NOXRED1: variants seen among roughly 807,000 people sequenced by gnomAD.
NOXRED1 encodes NADP dependent oxidoreductase domain containing 1, also known as NADP-dependent oxidoreductase domain-containing protein 1.
Under a neutral mutation model 30.4 loss-of-function variants are expected in NOXRED1, and 20 were observed. The ratio of observed to expected loss-of-function variants is 0.66; its 90% CI spans 0.46 to 0.96. NOXRED1 has a LOEUF of 0.96. NOXRED1 is among the 40% of genes least tolerant of loss of function. The pLI, the probability that NOXRED1 is intolerant of heterozygous loss-of-function variation, is 0.00. For missense variants in NOXRED1, 374 were observed against 428.0 expected (o/e 0.87, Z 1.11); for synonymous variants, 155 against 168.0 (o/e 0.92, Z 0.60).
At chr14:77,419,479 C>T (rs1378475924) in intron 1 of NOXRED1, among the ~76,000 whole-genome samples, 25 of 125,300 alleles carry the variant, frequency 2.0e-4, no homozygotes, top group Non-Finnish European at 3.7e-4. Context: ...GACAGAGTCT[C>T]GCTCTTTCGC....
intron 5 of NOXRED1, among the ~76,000 whole-genome samples, chr14:77,404,471 G>A (rs1162164523): frequency 1.3e-5 from 2 of 152,172 alleles, no homozygotes; most frequent in African/African-American, 4.8e-5. Flanking sequence ...GACATGGTGA[G>A]TTTGAGTGGA....
chr14:77,417,819 T>C lies in NOXRED1; in HGVS notation c.156-3692A>G, dbSNP rs189836936. 3.8e-3 allele frequency among the ~76,000 whole-genome samples: 573 copies of C among 152,206 alleles called. 2 individuals carry two copies. The highest frequency in any genetic ancestry group is 6.9e-3 in the Non-Finnish European group (467 of 68,016). ...ATAGGGAAGGACTTATCACTGCCAG[T>C]TTGTTTTTTTCTCTGTGTTGCAGTT... On this transcript the variant is annotated intron_variant, in intron 1 of 5. Transcript: ENST00000380835.
At chr14:77,415,688 A>G (rs915467367) in intron 1 of NOXRED1, among the ~76,000 whole-genome samples, 1 of 151,690 alleles carries the variant, frequency 6.6e-6, no homozygotes, top group Non-Finnish European at 1.5e-5. Context: ...GAACCTTTCC[A>G]TCTTGCAAAA....
In NOXRED1 at chr14:77,394,583, T is replaced by C. The variant is rs1894130343; in HGVS notation, c.*48A>G. On this transcript the variant is annotated 3_prime_UTR_variant, in exon 6 of 6. Transcript: ENST00000380835. The stretch of plus-strand genomic sequence containing the variant: ...ATTGTGATAATCAGGGCACAACTAT[T>C]ATAGGGAAAATCTGTGAGTGGGAAA... 1 of 1,449,112 alleles carries C rather than the reference T, an allele frequency of 6.9e-7. No individual in the cohort carries two copies. The highest frequency in any genetic ancestry group is 9.6e-7 in the Non-Finnish European group (1 of 1,037,102). The allele number at this position is 1,449,112 out of a possible 1,614,324, so 89.8% of individuals were successfully genotyped here.
At chr14:77,406,981 C>T in intron 3 of NOXRED1, 106 bp from the exon 4 acceptor site, 7 of 978,246 alleles carry the variant, frequency 7.2e-6, no homozygotes, top group African/African-American at 1.6e-5. Flanking sequence ...CCCCACACAG[C>T]TCAGAGATAA....
chr14:77,423,594 T>C (rs949193294), upstream of NOXRED1: 1 of 152,230 alleles, frequency 6.6e-6, no homozygotes, highest in Non-Finnish European at 1.5e-5. Context: ...TTACAGTCTC[T>C]AAGTCTTAAA....
At chr14:77,399,607 A>G (rs1894272123) in intron 5 of NOXRED1, among the ~76,000 whole-genome samples, 1 of 152,224 alleles carries the variant, frequency 6.6e-6, no homozygotes, top group Non-Finnish European at 1.5e-5. Context: ...TGAGGCCCCT[A>G]TTAGTAGACT....
At chr14:77,409,825 T>C (rs570945843) in intron 2 of NOXRED1, among the ~76,000 whole-genome samples, 4,074 of 152,052 alleles carry the variant, frequency 0.027, 182 homozygotes, top group African/African-American at 0.094. Context: ...TTTTTTTTTT[T>C]TGAGACAGAG....
At chr14:77,404,543 T>C (rs1323523051) in intron 5 of NOXRED1, among the ~76,000 whole-genome samples, 1 of 152,194 alleles carries the variant, frequency 6.6e-6, no homozygotes, top group Non-Finnish European at 1.5e-5. Flanking sequence ...TACAGAGTTA[T>C]ATGCTGTCAG....
intron 5 of NOXRED1, among the ~76,000 whole-genome samples, chr14:77,396,427 T>C (rs992350526): frequency 3.9e-5 from 6 of 151,984 alleles, no homozygotes; most frequent in African/African-American, 1.4e-4. Flanking sequence ...TTTTGTATTT[T>C]TAATAGAGAT....
intron 2 of NOXRED1, among the ~76,000 whole-genome samples, chr14:77,413,441 G>T (rs775937041): frequency 6.6e-6 from 1 of 152,078 alleles, no homozygotes; most frequent in Non-Finnish European, 1.5e-5. Context: ...GTTTCACTAT[G>T]TTGGCCAGGA....
chr14:77,417,614 G>A (rs976097430), intron 1 of NOXRED1, among the ~76,000 whole-genome samples: 3 of 152,124 alleles, frequency 2.0e-5, no homozygotes, highest in Admixed American at 6.6e-5. Flanking sequence ...TACCATTTAC[G>A]TGGAATTATC....
At chr14:77,406,680 A>T (rs763817655) in intron 4 of NOXRED1, 44 bp downstream of exon 4, 30 of 1,585,364 alleles carry the variant, frequency 1.9e-5, no homozygotes, top group Non-Finnish European at 2.6e-5. Context: ...GGCCAACAGG[A>T]AAGTAATTTT....
chr14:77,416,725 C>A (rs571120610), intron 1 of NOXRED1, among the ~76,000 whole-genome samples: 14 of 152,374 alleles, frequency 9.2e-5, no homozygotes, highest in African/African-American at 3.4e-4. Flanking sequence ...GGGTACACCT[C>A]CCAGACGGGG....
intron 5 of NOXRED1, among the ~76,000 whole-genome samples, chr14:77,398,623 A>G (rs1296058274): frequency 6.6e-6 from 1 of 152,174 alleles, no homozygotes; most frequent in Non-Finnish European, 1.5e-5. Context: ...ACTGAGACCT[A>G]CCCGTAGGAC....
chr14:77,397,831 G>A (rs1288866714), intron 5 of NOXRED1, among the ~76,000 whole-genome samples: 3 of 147,680 alleles, frequency 2.0e-5, no homozygotes, highest in South Asian at 2.1e-4. Context: ...GCAGTTAGCC[G>A]AGATTGCACC....
At chr14:77,416,752 G>A (rs1252851163) in intron 1 of NOXRED1, among the ~76,000 whole-genome samples, 3 of 152,206 alleles carry the variant, frequency 2.0e-5, no homozygotes, top group African/African-American at 7.2e-5. Flanking sequence ...CTGGGCAGAG[G>A]GGCTCCTCAC....
At position 77,413,472 on chromosome 14, in the gene NOXRED1, C is replaced by T. The variant is rs1894716534; in HGVS notation, c.349+462G>A. On this transcript the variant is annotated intron_variant, in intron 2 of 5. Coordinates refer to ENST00000380835, the MANE Select transcript of NOXRED1 (RefSeq NM_001113475.3). ...CAGGATGGTCTCAATCTCTTGACCT[C>T]GTCATCTGCCCGCCTTGGCCTCCCA... 2.0e-5 allele frequency among the ~76,000 whole-genome samples: 3 copies of T among 152,084 alleles called. No homozygotes were observed. The South Asian group carries it at 6.2e-4, about 32-fold the overall frequency.
intron 1 of NOXRED1, among the ~76,000 whole-genome samples, chr14:77,418,074 T>A (rs1350161277): frequency 1.3e-5 from 2 of 152,214 alleles, no homozygotes; most frequent in Admixed American, 6.5e-5. Context: ...ATTTATCTCA[T>A]GAATTATATC....
Sources: allele counts gnomAD v4.1 joint callset (sites outside exome capture counted in the v4.1 genomes callset), GRCh38; gene constraint gnomAD v4.1.1; transcripts MANE v1.5; gene names NCBI Gene and HGNC (gene_info 2026-07-23, HGNC 2026-07-21).